Variants in ZNF177 observed in about 807,000 individuals in gnomAD.
ZNF177 encodes zinc finger protein 177.
In ZNF177, 17 loss-of-function variants were observed where a neutral mutation model predicts 19.4. The ratio of observed to expected loss-of-function variants is 0.87; its 90% CI spans 0.60 to 1.31. The LOEUF (loss-of-function observed/expected upper bound fraction) is 1.31. ZNF177 is among the 40% of genes most tolerant of loss of function. ZNF177 has a pLI of 0.00. For missense variants in ZNF177, 633 were observed against 561.8 expected (o/e 1.13, Z -1.28); for synonymous variants, 220 against 188.7 (o/e 1.17, Z -1.36).
intron 1 of ZNF177, among the ~76,000 whole-genome samples, chr19:9,377,711 A>G (rs1397935682): frequency 6.6e-6 from 1 of 152,212 alleles, no homozygotes; most frequent in Non-Finnish European, 1.5e-5. Flanking sequence ...TATACAGCTA[A>G]GTGTACTAAA....
chr19:9,363,129 C>G (rs760605699), intron 1 of ZNF177, 45 bp downstream of exon 1: 1 of 152,414 alleles, frequency 6.6e-6, no homozygotes, highest in African/African-American at 2.4e-5. Context: ...GGGAAGGGGT[C>G]AAGGGCACAG....
intron 2 of ZNF177, among the ~76,000 whole-genome samples, chr19:9,370,482 T>C (rs1358733737): frequency 6.6e-6 from 1 of 151,724 alleles, no homozygotes; most frequent in Admixed American, 6.6e-5. Context: ...GGTGTGATCA[T>C]AGCTCACTGC....
intron 2 of ZNF177, among the ~76,000 whole-genome samples, chr19:9,365,696 C>T (rs527462455): frequency 7.2e-5 from 11 of 152,120 alleles, no homozygotes; most frequent in African/African-American, 1.7e-4. Flanking sequence ...CCATGACCGG[C>T]GCCGGAGTTT....
At chr19:9,378,017 C>T (rs2068136342) in intron 1 of ZNF177, among the ~76,000 whole-genome samples, 1 of 152,140 alleles carries the variant, frequency 6.6e-6, no homozygotes, top group Non-Finnish European at 1.5e-5. Context: ...GCTCATTCCT[C>T]CTGAGCTGTT....
exon 6 of ZNF177, chr19:9,380,987 G>T (rs952577516): frequency 6.4e-7 from 1 of 1,556,148 alleles, no homozygotes; most frequent in African/African-American, 1.4e-5. Context: ...CACTCTTCCT[G>T]CTCAGTACGT....
exon 6 of ZNF177, chr19:9,381,224 C>G (rs758977175): frequency 6.2e-7 from 1 of 1,614,138 alleles, no homozygotes; most frequent in South Asian, 1.1e-5. Flanking sequence ...TTTCAGTCTT[C>G]CCTTAAGAAA....
At chr19:9,381,837 T>G in exon 6 of ZNF177, 1 of 1,528,212 alleles carries the variant, frequency 6.5e-7, no homozygotes, top group Non-Finnish European at 8.8e-7. Context: ...AGAACATATA[T>G]TGGAGAGAAG....
rs1053357433 is a variant in ZNF177, at chr19:9,380,896, T to C, written c.565T>C (p.Ser189Pro). ...TTGTAGAAAAGCTTTCAATCAAGAG[T>C]CATCCCTCAGGAAACACTTAAGAAC... is the stretch of plus-strand genomic sequence containing the variant. The change falls in exon 6 of 6, where the codon TCA becomes CCA. Residue 189 changes from serine (S) to proline (P), a missense_variant. Ser to Pro is a moderately conservative substitution (Grantham distance 74, BLOSUM62 -1). Transcript: ENST00000589262. 1.2e-5 allele frequency: 19 copies of C among 1,535,856 alleles called. No homozygotes were observed. Among genetic ancestry groups the C allele is most frequent in the Non-Finnish European group, 1.6e-5 (18 of 1,146,882 alleles).
intron 1 of ZNF177, among the ~76,000 whole-genome samples, chr19:9,363,979 C>G (rs1489226131): frequency 2.0e-5 from 3 of 152,142 alleles, no homozygotes; most frequent in African/African-American, 7.2e-5. Flanking sequence ...AAGACATTCC[C>G]TTCTGTAACA....
chr19:9,379,204 G>T (rs1291381913), intron 3 of ZNF177, 116 bp downstream of exon 5: 1 of 1,432,954 alleles, frequency 7.0e-7, no homozygotes, highest in Non-Finnish European at 9.2e-7. Context: ...AAAATGAATG[G>T]TCCCTGCCCT....
At chr19:9,366,127 C>T (rs1007589886) in intron 2 of ZNF177, among the ~76,000 whole-genome samples, 27 of 152,182 alleles carry the variant, frequency 1.8e-4, no homozygotes, top group African/African-American at 6.0e-4. Flanking sequence ...GGATTACAGG[C>T]ATGCTCCACC....
chr19:9,365,273 G>T (rs1479837727), intron 2 of ZNF177, among the ~76,000 whole-genome samples: 1 of 152,026 alleles, frequency 6.6e-6, no homozygotes, highest in Non-Finnish European at 1.5e-5. Context: ...GGGAGAAGGG[G>T]GAATGGAGGG....
In ZNF177 at chr19:9,380,696, TG is replaced by T; in HGVS notation, c.367del (p.Glu123SerfsTer29). 6.5e-7 allele frequency: 1 copy of T among 1,535,930 alleles called. No homozygotes were observed. On this transcript the variant is annotated frameshift_variant, in exon 6 of 6. Coordinates refer to ENST00000589262, the Ensembl canonical transcript of ZNF177. LOFTEE classifies it low-confidence loss of function (END_TRUNC). ...GAAAATCAACCTGGTGAGCACTCCCTGGAGTGTAACCATTGTGGGAAATTCA... is the reference window on the plus strand; with the variant it reads ...GAAAATCAACCTGGTGAGCACTCCCTGAGTGTAACCATTGTGGGAAATTCA...
At chr19:9,365,226 A>G (rs1289898578) in intron 2 of ZNF177, among the ~76,000 whole-genome samples, 1 of 152,098 alleles carries the variant, frequency 6.6e-6, no homozygotes, top group African/African-American at 2.4e-5. Flanking sequence ...AGTTGATATA[A>G]GGAGGAAGGT....
intron 2 of ZNF177, among the ~76,000 whole-genome samples, chr19:9,370,785 C>G (rs2068038164): frequency 6.6e-6 from 1 of 152,148 alleles, no homozygotes; most frequent in South Asian, 2.1e-4. Flanking sequence ...ATGTTCAGTA[C>G]AGACACAAGC....
At chr19:9,378,507 C>A in intron 2 of ZNF177, 163 bp downstream of exon 4, 1 of 1,127,226 alleles carries the variant, frequency 8.9e-7, no homozygotes, top group Non-Finnish European at 1.2e-6. Flanking sequence ...GGAAAGGCTT[C>A]TGTTCCCACA....
At chr19:9,368,406 ATTAAAG>A (rs2068007016) in intron 2 of ZNF177, among the ~76,000 whole-genome samples, 1 of 152,088 alleles carries the variant, frequency 6.6e-6, no homozygotes, top group Non-Finnish European at 1.5e-5. Context: ...TTTGAATTTG[ATTAAAG>A]TTATTCATGT....
downstream of ZNF177, chr19:9,382,406 G>A: frequency 2.5e-6 from 1 of 398,678 alleles, no homozygotes; most frequent in East Asian, 3.6e-5. Flanking sequence ...ACCAAGAGGA[G>A]GACAGAGAAA....
intron 2 of ZNF177, among the ~76,000 whole-genome samples, chr19:9,368,001 A>G (rs983862324): frequency 8.5e-5 from 13 of 152,330 alleles, no homozygotes; most frequent in African/African-American, 2.6e-4. Context: ...AAATATGCCT[A>G]ATCTCTGGAA....
Sources: allele counts gnomAD v4.1 joint callset (sites outside exome capture counted in the v4.1 genomes callset), GRCh38; gene constraint gnomAD v4.1.1; transcripts MANE v1.5; gene names NCBI Gene and HGNC (gene_info 2026-07-23, HGNC 2026-07-21).